ASCC3: variants seen among roughly 807,000 people sequenced by gnomAD.
The protein encoded by ASCC3 is activating signal cointegrator 1 complex subunit 3, also known as ASC-1 complex subunit P200.
In ASCC3, 158 loss-of-function variants were observed where a neutral mutation model predicts 256.3. The ratio of observed to expected loss-of-function variants is 0.62; its 90% CI spans 0.54 to 0.70. The LOEUF is 0.70. ASCC3 is among the 30% of genes least tolerant of loss of function. The pLI, the probability that ASCC3 is intolerant of heterozygous loss-of-function variation, is 0.00. For missense variants in ASCC3, 2,259 were observed against 2,626.0 expected (o/e 0.86, Z 3.05); for synonymous variants, 948 against 883.4 (o/e 1.07, Z -1.30).
intron 10 of ASCC3, among the ~76,000 whole-genome samples, chr6:100,742,920 A>G (rs1437072728): frequency 6.6e-6 from 1 of 152,162 alleles, no homozygotes; most frequent in African/African-American, 2.4e-5. Flanking sequence ...TCCTGGATTC[A>G]GCCCCCTACC....
chr6:100,822,527 C>T (rs1771098608), intron 4 of ASCC3, among the ~76,000 whole-genome samples: 3 of 130,114 alleles, frequency 2.3e-5, no homozygotes, highest in Non-Finnish European at 4.8e-5. Context: ...ACGAGCAAGA[C>T]TCCGTCTCCA....
chr6:100,722,849 T>G (rs1341866247), intron 11 of ASCC3, among the ~76,000 whole-genome samples: 1 of 151,756 alleles, frequency 6.6e-6, no homozygotes, highest in Non-Finnish European at 1.5e-5. Flanking sequence ...TCATTCTCAC[T>G]TTTTTTAAAG....
intron 4 of ASCC3, among the ~76,000 whole-genome samples, chr6:100,806,087 A>T (rs1770166763): frequency 6.6e-6 from 1 of 152,052 alleles, no homozygotes; most frequent in African/African-American, 2.4e-5. Context: ...TTACATAATT[A>T]AAAAACATTA....
At chr6:100,840,840 C>T (rs1373356555) in intron 4 of ASCC3, among the ~76,000 whole-genome samples, 1 of 151,112 alleles carries the variant, frequency 6.6e-6, no homozygotes, top group Non-Finnish European at 1.5e-5. Context: ...TATACAAGAC[C>T]TAAATTTTCT....
intron 10 of ASCC3, among the ~76,000 whole-genome samples, chr6:100,734,575 A>G (rs978898608): frequency 2.0e-5 from 3 of 152,158 alleles, no homozygotes; most frequent in African/African-American, 7.2e-5. Context: ...TCTTGTGATT[A>G]TGGGAATTAT....
intron 13 of ASCC3, among the ~76,000 whole-genome samples, chr6:100,690,395 A>G (rs937948440): frequency 6.6e-6 from 1 of 152,172 alleles, no homozygotes; most frequent in African/African-American, 2.4e-5. Context: ...ACTACTGAAC[A>G]AGAATAAAGG....
chr6:100,604,992 G>C (rs548362952), intron 33 of ASCC3, among the ~76,000 whole-genome samples: 1 of 152,032 alleles, frequency 6.6e-6, no homozygotes, highest in African/African-American at 2.4e-5. Flanking sequence ...TTTGAGAAAG[G>C]GGTAGTGGTT....
chr6:100,601,056 C>T (rs183045525), intron 34 of ASCC3, among the ~76,000 whole-genome samples: 9 of 152,018 alleles, frequency 5.9e-5, no homozygotes, highest in Non-Finnish European at 5.9e-5. Context: ...GCTTATGACT[C>T]TTTCAAGCCC....
intron 4 of ASCC3, among the ~76,000 whole-genome samples, chr6:100,810,126 A>G (rs1245361489): frequency 6.6e-6 from 1 of 152,120 alleles, no homozygotes; most frequent in African/African-American, 2.4e-5. Flanking sequence ...CTGGCATCAC[A>G]TTCTTGCTTT....
intron 8 of ASCC3, among the ~76,000 whole-genome samples, chr6:100,796,096 C>T (rs943042851): frequency 2.0e-5 from 3 of 151,790 alleles, no homozygotes; most frequent in Non-Finnish European, 4.4e-5. Flanking sequence ...ATTAAAACCA[C>T]AATGAGAAAT....
At chr6:100,758,439 C>G (rs1157168061) in intron 10 of ASCC3, among the ~76,000 whole-genome samples, 2 of 152,056 alleles carry the variant, frequency 1.3e-5, no homozygotes, top group African/African-American at 4.8e-5. Context: ...CTCCCTGTGT[C>G]CATGTGTTCT....
At chr6:100,539,577 T>A (rs1775340068) in intron 37 of ASCC3, among the ~76,000 whole-genome samples, 1 of 152,152 alleles carries the variant, frequency 6.6e-6, no homozygotes, top group Admixed American at 6.5e-5. Flanking sequence ...ACTCCTTGAA[T>A]ATACCAAGTA....
At chr6:100,655,854 A>T in intron 16 of ASCC3, 36 bp from the exon 17 acceptor site, 1 of 1,604,816 alleles carries the variant, frequency 6.2e-7, no homozygotes, top group Non-Finnish European at 8.5e-7. Flanking sequence ...TTAATGTATT[A>T]AAGTTGAACA....
At chr6:100,745,714 T>C (rs373785874) in intron 10 of ASCC3, among the ~76,000 whole-genome samples, 1 of 152,194 alleles carries the variant, frequency 6.6e-6, no homozygotes, top group Non-Finnish European at 1.5e-5. Context: ...ATCACGCTAA[T>C]TGCAAATGAG....
In ASCC3 at chr6:100,848,309, G is replaced by C. The variant is rs775121130; in HGVS notation, c.640C>G (p.Pro214Ala). Residue 214 changes from proline to alanine, a missense_variant, in exon 4 of 42, where the codon CCT becomes GCT. Physicochemically the swap from Pro to Ala is conservative, Grantham distance 27. Transcript: ENST00000369162. ...AAGGAGCCATTTGTTTTTTCCACAGGCTTGAGTTCTGGGGTGCAAGCCTCC... is the reference window on the plus strand; with the variant it reads ...AAGGAGCCATTTGTTTTTTCCACAGCCTTGAGTTCTGGGGTGCAAGCCTCC... ...LQEACTPELK[P>A]VEKTNGSFLW... 6 of 1,613,850 alleles carry C rather than the reference G, an allele frequency of 3.7e-6. No individual in the cohort carries two copies. In the Admixed American group the frequency reaches 1.0e-4, roughly 27 times the overall value.
chr6:100,828,762 C>A (rs187505287), intron 4 of ASCC3, among the ~76,000 whole-genome samples: 2 of 152,140 alleles, frequency 1.3e-5, no homozygotes, highest in East Asian at 3.9e-4. Flanking sequence ...CTCATAAAGG[C>A]AGTGTGGACC....
At chr6:100,566,517 A>G (rs190755086) in intron 36 of ASCC3, among the ~76,000 whole-genome samples, 247 of 152,310 alleles carry the variant, frequency 1.6e-3, no homozygotes, top group Middle Eastern at 6.8e-3. Context: ...TGAAAAAATT[A>G]AAGTCAACAG....
intron 8 of ASCC3, among the ~76,000 whole-genome samples, chr6:100,791,671 C>T (rs886880854): frequency 2.6e-5 from 4 of 151,940 alleles, no homozygotes; most frequent in Admixed American, 6.6e-5. Context: ...TCACAGACAG[C>T]GTTAGCTGTC....
chr6:100,650,438 A>G, intron 20 of ASCC3, 100 bp downstream of exon 20: 4 of 1,176,536 alleles, frequency 3.4e-6, no homozygotes, highest in Non-Finnish European at 5.1e-6. Flanking sequence ...GTTTGGTAGC[A>G]TGTCACAAAG....
Sources: gnomAD v4.1 joint callset for allele counts (sites outside exome capture counted in the v4.1 genomes callset) on GRCh38, gnomAD v4.1.1 for gene constraint, MANE v1.5 for transcripts, NCBI Gene and HGNC (gene_info 2026-07-23, HGNC 2026-07-21) for gene names.